The following PTPN13 variants were observed in gnomAD, a reference collection of about 807,000 sequenced individuals.
PTPN13 encodes the protein tyrosine-protein phosphatase non-receptor type 13.
Under a neutral mutation model 284.0 loss-of-function variants are expected in PTPN13, and 191 were observed. That is an observed-to-expected ratio of 0.67 (90% CI 0.60 to 0.76). The LOEUF (loss-of-function observed/expected upper bound fraction) is 0.76, where lower values mean the gene tolerates loss of function less well. Ranked by LOEUF, PTPN13 falls within the 30% of genes least tolerant of loss-of-function variation. PTPN13 has a pLI of 0.00. For missense variants in PTPN13, 2,797 were observed against 2,939.9 expected (o/e 0.95, Z 1.12); for synonymous variants, 986 against 1,022.3 (o/e 0.96, Z 0.68).
chr4:86,616,472 A>G (rs1358903086), intron 1 of PTPN13, among the ~76,000 whole-genome samples: 2 of 151,846 alleles, frequency 1.3e-5, no homozygotes, highest in Non-Finnish European at 2.9e-5. Flanking sequence ...TCCCTGCCCA[A>G]ATCTCATCCT....
chr4:86,770,877 T>C (rs531746129), intron 30 of PTPN13, among the ~76,000 whole-genome samples: 3 of 152,280 alleles, frequency 2.0e-5, no homozygotes, highest in South Asian at 4.1e-4. Context: ...ATACAGGTAT[T>C]AAAATTGTTT....
chr4:86,711,811 G>A (rs1732456321), intron 7 of PTPN13, among the ~76,000 whole-genome samples: 1 of 152,140 alleles, frequency 6.6e-6, no homozygotes, highest in African/African-American at 2.4e-5. Context: ...CTGTAATGGT[G>A]AAAGCTTAAA....
At chr4:86,665,954 G>T (rs1169914901) in intron 2 of PTPN13, among the ~76,000 whole-genome samples, 1 of 152,084 alleles carries the variant, frequency 6.6e-6, no homozygotes, top group Non-Finnish European at 1.5e-5. Flanking sequence ...CTTTTATATG[G>T]CACTTACTGC....
intron 7 of PTPN13, among the ~76,000 whole-genome samples, chr4:86,705,251 T>C (rs886814300): frequency 1.3e-5 from 2 of 150,944 alleles, no homozygotes; most frequent in South Asian, 4.2e-4. Flanking sequence ...GGAGAATCAC[T>C]TGAACCTATG....
chr4:86,759,338 A>G lies in PTPN13; in HGVS notation c.3553+265A>G, dbSNP rs192826208. Among the ~76,000 whole-genome samples, 107 of 152,344 alleles carry G rather than the reference A, an allele frequency of 7.0e-4. 1 individual carries two copies. Among genetic ancestry groups the G allele is most frequent in the Admixed American group, 1.8e-3 (28 of 15,294 alleles). On this transcript the variant is annotated intron_variant, in intron 23 of 47. Coordinates refer to ENST00000411767, the MANE Select transcript of PTPN13 (RefSeq NM_080683.3). The stretch of plus-strand genomic sequence containing the variant: ...AAGGAAAGGACCACCACCAAAAACC[A>G]GAAATTTTAAAACAAAACCATATCA...
At chr4:86,710,147 C>T (rs1194528856) in intron 7 of PTPN13, among the ~76,000 whole-genome samples, 2 of 152,016 alleles carry the variant, frequency 1.3e-5, no homozygotes, top group African/African-American at 4.8e-5. Flanking sequence ...AATATTATTA[C>T]TGTGTTTCTC....
intron 23 of PTPN13, 41 bp downstream of exon 23, chr4:86,759,114 T>G: frequency 6.3e-7 from 1 of 1,580,222 alleles, no homozygotes; most frequent in Non-Finnish European, 8.6e-7. Context: ...TGTTTCACTT[T>G]TCTGTCTCAT....
intron 16 of PTPN13, among the ~76,000 whole-genome samples, chr4:86,742,378 A>G (rs1736260232): frequency 6.6e-6 from 1 of 152,344 alleles, no homozygotes; most frequent in Non-Finnish European, 1.5e-5. Flanking sequence ...TGATAAAGGC[A>G]TATTTTGATT....
chr4:86,734,798 A>C lies in PTPN13; in HGVS notation c.2074A>C (p.Met692Leu), dbSNP rs1303324076. Residue 692 changes from methionine (M) to leucine (L), a missense_variant, in exon 14 of 48, where the codon ATG becomes CTG. By Grantham distance (15) the Met-to-Leu change is conservative. Coordinates refer to ENST00000411767, the MANE Select transcript of PTPN13 (RefSeq NM_080683.3). ...QLRKDILEER[M>L]HCDDETSLLL... ...TCGAAAAGATATTTTGGAGGAAAGG[A>C]TGCACTGTGATGATGAGACTTCCTT... The C allele has an allele frequency of 5.0e-6, 8 of 1,613,366 alleles. No individual in the cohort carries two copies. Among genetic ancestry groups the C allele is most frequent in the Middle Eastern group, 1.6e-4 (1 of 6,084 alleles).
At chr4:86,707,865 A>G (rs1565376396) in intron 7 of PTPN13, among the ~76,000 whole-genome samples, 1 of 152,332 alleles carries the variant, frequency 6.6e-6, no homozygotes, top group Non-Finnish European at 1.5e-5. Flanking sequence ...TATTTCAGGC[A>G]TTAATGACTT....
intron 7 of PTPN13, among the ~76,000 whole-genome samples, chr4:86,706,782 C>T (rs571011883): frequency 2.6e-5 from 4 of 152,286 alleles, no homozygotes; most frequent in South Asian, 2.1e-4. Context: ...TCTCTACATA[C>T]GTAAAGCAGT....
intron 2 of PTPN13, among the ~76,000 whole-genome samples, chr4:86,651,423 TTCCC>T (rs1255505895): frequency 2.0e-5 from 3 of 148,552 alleles, no homozygotes; most frequent in African/African-American, 7.3e-5. Flanking sequence ...CCCTCCGTCC[TTCCC>T]TCCCTTCCTT....
At chr4:86,675,911 A>T (rs1689085741) in intron 3 of PTPN13, among the ~76,000 whole-genome samples, 1 of 152,168 alleles carries the variant, frequency 6.6e-6, no homozygotes. Flanking sequence ...TGCACCAGAG[A>T]TTTGTACTAT....
intron 19 of PTPN13, 149 bp downstream of exon 19, chr4:86,751,273 A>G (rs1433257299): frequency 6.4e-6 from 4 of 627,814 alleles, no homozygotes; most frequent in East Asian, 2.8e-5. Context: ...AATGCACCAA[A>G]TCAAATTACC....
intron 2 of PTPN13, among the ~76,000 whole-genome samples, chr4:86,670,569 C>G (rs1727620091): frequency 6.6e-6 from 1 of 152,088 alleles, no homozygotes; most frequent in Admixed American, 6.5e-5. Context: ...TTCTCACCAC[C>G]TCTATTGCCA....
intron 6 of PTPN13, among the ~76,000 whole-genome samples, chr4:86,698,496 GT>G (rs199689505): frequency 0.011 from 1,711 of 152,206 alleles, 9 homozygotes; most frequent in Non-Finnish European, 0.013. Context: ...AATGGAAGAA[GT>G]TATATAAATA....
Position 86,771,292 on chromosome 4 carries a change from A to C in PTPN13, c.4925A>C (p.Gln1642Pro), listed in dbSNP as rs1175195187. 3 of 1,604,870 alleles carry C rather than the reference A, an allele frequency of 1.9e-6. No homozygotes were observed. The African/African-American group carries it at 4.0e-5, about 21-fold the overall frequency. Residue 1642 changes from glutamine to proline, a missense_variant, in exon 31 of 48, where the codon CAG (glutamine) becomes CCG (proline). Transcript: ENST00000411767. Reference protein sequence around the residue: ...ENEMSDKSKKQCKSPSRRDSY... With the variant: ...ENEMSDKSKKPCKSPSRRDSY... ...GAAATGTCAGACAAAAGCAAAAAAC[A>C]GTGCAAGTCCCCATCCAGAAGAGAC...
intron 1 of PTPN13, among the ~76,000 whole-genome samples, chr4:86,607,757 T>A (rs929770743): frequency 2.0e-5 from 3 of 152,054 alleles, no homozygotes; most frequent in South Asian, 2.1e-4. Flanking sequence ...TGAGTTTTTT[T>A]ATGAGCTTTT....
chr4:86,793,982 CA>C (rs927227347), intron 40 of PTPN13, among the ~76,000 whole-genome samples: 1 of 151,840 alleles, frequency 6.6e-6, no homozygotes, highest in Non-Finnish European at 1.5e-5. Flanking sequence ...TAGCAGAAGG[CA>C]AAAAATAACT....
Sources: gnomAD v4.1 joint callset for allele counts (sites outside exome capture counted in the v4.1 genomes callset) on GRCh38, gnomAD v4.1.1 for gene constraint, MANE v1.5 for transcripts, NCBI Gene and HGNC (gene_info 2026-07-23, HGNC 2026-07-21) for gene names.